GBE1: variants seen among roughly 807,000 people sequenced by gnomAD.
GBE1 encodes 1,4-alpha-glucan-branching enzyme.
Under a neutral mutation model 88.8 loss-of-function variants are expected in GBE1, and 70 were observed. The observed-to-expected ratio is 0.79, with a 90% confidence interval of 0.65 to 0.96. GBE1 has a LOEUF of 0.96. Among genes scored for constraint, GBE1 ranks in the 40% least tolerant of loss-of-function variants. The pLI is 0.00. For synonymous variants in GBE1, 284 were observed against 300.1 expected (o/e 0.95, Z 0.56); for missense variants, 872 against 871.0 (o/e 1.00, Z -0.01).
intron 1 of GBE1, among the ~76,000 whole-genome samples, chr3:81,734,411 G>T (rs1420546174): frequency 6.7e-6 from 1 of 150,034 alleles, no homozygotes; most frequent in Non-Finnish European, 1.5e-5. Flanking sequence ...CAAGTCATTT[G>T]GGGAAAAAAA....
At position 81,575,090 on chromosome 3, in the gene GBE1, G is replaced by A. The variant is rs568978691; in HGVS notation, c.1618+2835C>T. ...TGAGGCAGGAGAATGGCGTGAACCC[G>A]GGAAGCAGAGCTTGCAGTGAGCAGA... On this transcript the variant is annotated intron_variant, in intron 12 of 15. Coordinates refer to ENST00000429644, the MANE Select transcript of GBE1 (RefSeq NM_000158.4). Among the ~76,000 whole-genome samples, 684 of 151,666 alleles carry A rather than the reference G, an allele frequency of 4.5e-3. 4 individuals carry two copies. Among genetic ancestry groups the A allele is most frequent in the African/African-American group, 0.016 (651 of 41,322 alleles).
chr3:81,614,927 G>T (rs1205446121), intron 7 of GBE1, among the ~76,000 whole-genome samples: 1 of 152,034 alleles, frequency 6.6e-6, no homozygotes, highest in Non-Finnish European at 1.5e-5. Flanking sequence ...TACTTGGGAG[G>T]CTGAGGTGGG....
chr3:81,626,402 T>C (rs1022741435), intron 7 of GBE1, among the ~76,000 whole-genome samples: 2 of 152,214 alleles, frequency 1.3e-5, no homozygotes, highest in African/African-American at 4.8e-5. Flanking sequence ...AGGTAAGTTG[T>C]ATTTCAGAAT....
chr3:81,531,034 C>G (rs2106863213), intron 14 of GBE1, among the ~76,000 whole-genome samples: 1 of 151,498 alleles, frequency 6.6e-6, no homozygotes, highest in East Asian at 2.0e-4. Flanking sequence ...ACCCACATTG[C>G]AAGCAATGTC....
chr3:81,665,326 G>A (rs1210878636), intron 3 of GBE1, among the ~76,000 whole-genome samples: 1 of 152,016 alleles, frequency 6.6e-6, no homozygotes, highest in Non-Finnish European at 1.5e-5. Flanking sequence ...GAGCTCAGAA[G>A]ATCGAGACCA....
intron 1 of GBE1, among the ~76,000 whole-genome samples, chr3:81,754,500 C>A (rs1308516858): frequency 8.6e-6 from 1 of 115,814 alleles, no homozygotes; most frequent in African/African-American, 3.2e-5. Context: ...CCCAAATAGC[C>A]AAATAAATCT....
intron 9 of GBE1, among the ~76,000 whole-genome samples, 157 bp downstream of exon 9, chr3:81,590,877 AAAT>A (rs1703868034): frequency 2.6e-5 from 4 of 152,098 alleles, no homozygotes; most frequent in Admixed American, 2.6e-4. Context: ...AGTGAATTCT[AAAT>A]AATGTGCCAC....
intron 1 of GBE1, among the ~76,000 whole-genome samples, chr3:81,713,535 T>A (rs1337204290): frequency 6.6e-6 from 1 of 152,148 alleles, no homozygotes; most frequent in Non-Finnish European, 1.5e-5. Flanking sequence ...ACGATGAATT[T>A]TATTAGGCAG....
intron 7 of GBE1, among the ~76,000 whole-genome samples, chr3:81,604,787 A>T (rs1247720906): frequency 6.6e-6 from 1 of 152,026 alleles, no homozygotes; most frequent in Non-Finnish European, 1.5e-5. Context: ...TAAGTAAGAA[A>T]TTATTTAACT....
intron 14 of GBE1, among the ~76,000 whole-genome samples, chr3:81,502,830 T>G (rs971782315): frequency 6.6e-6 from 1 of 152,216 alleles, no homozygotes; most frequent in Non-Finnish European, 1.5e-5. Context: ...ATCCTTTTTC[T>G]GTGAAAATTT....
intron 14 of GBE1, among the ~76,000 whole-genome samples, chr3:81,523,801 C>T (rs987129508): frequency 8.6e-5 from 13 of 151,700 alleles, no homozygotes; most frequent in Admixed American, 8.6e-4. Context: ...ACCTCCAGTT[C>T]CATCCATATT....
chr3:81,686,608 T>G (rs1705444689), intron 2 of GBE1, among the ~76,000 whole-genome samples: 1 of 151,950 alleles, frequency 6.6e-6, no homozygotes, highest in Admixed American at 6.6e-5. Flanking sequence ...AATACAAAAT[T>G]ACCCGTGTAT....
Position 81,642,901 on chromosome 3 carries a change from T to C in GBE1, c.872A>G (p.His291Arg), listed in dbSNP as rs182605073. 10 of 1,613,018 alleles carry C rather than the reference T, an allele frequency of 6.2e-6. No individual in the cohort carries two copies. Among genetic ancestry groups the C allele is most frequent in the Admixed American group, 1.7e-5 (1 of 59,962 alleles). ...IIVLLDVVHS[H>R]ASKNSADGLN... ...TCCATCTGCTGAATTTTTTGAAGCA[T>C]GGCTGTGTACCACATCTAAGAGGAC... Residue 291 changes from histidine to arginine, a missense_variant, in exon 7 of 16, where the codon CAT becomes CGT. His to Arg is a conservative substitution (Grantham distance 29). Coordinates refer to ENST00000429644, the MANE Select transcript of GBE1 (RefSeq NM_000158.4).
chr3:81,722,313 G>T (rs564981117), intron 1 of GBE1, among the ~76,000 whole-genome samples: 2 of 151,930 alleles, frequency 1.3e-5, no homozygotes, highest in African/African-American at 2.4e-5. Context: ...AAGTTTAAAG[G>T]GTTGCCCATT....
chr3:81,665,797 G>A (rs979772491), intron 3 of GBE1, among the ~76,000 whole-genome samples: 4 of 152,130 alleles, frequency 2.6e-5, no homozygotes, highest in Non-Finnish European at 5.9e-5. Context: ...GCACTTCTAT[G>A]ACCCAAATGC....
intron 3 of GBE1, among the ~76,000 whole-genome samples, chr3:81,661,140 TA>T (rs530104899): frequency 2.6e-4 from 40 of 151,856 alleles, no homozygotes; most frequent in African/African-American, 8.4e-4. Context: ...AAAGTATTTC[TA>T]AAAAAAATGT....
Position 81,589,965 on chromosome 3 carries a change from G to A in GBE1, c.1236+1072C>T, listed in dbSNP as rs929448797. Among the ~76,000 whole-genome samples, 3 of 151,824 alleles carry A rather than the reference G, an allele frequency of 2.0e-5. No individual in the cohort carries two copies. In the East Asian group the frequency reaches 5.8e-4, roughly 29 times the overall value. ...AGGTCATGACTGTGAAAAAATACTG[G>A]GTGTCTAAATTGTATGGTAGGTTGT... On this transcript the variant is annotated intron_variant, in intron 9 of 15. Transcript: ENST00000429644.
chr3:81,571,922 T>TA (rs1307273317), intron 12 of GBE1, among the ~76,000 whole-genome samples: 2 of 152,198 alleles, frequency 1.3e-5, no homozygotes, highest in Non-Finnish European at 2.9e-5. Flanking sequence ...TTCTTAAAGT[T>TA]AGAGACTTGA....
intron 6 of GBE1, among the ~76,000 whole-genome samples, chr3:81,645,039 G>T (rs1358018848): frequency 2.0e-5 from 3 of 152,080 alleles, no homozygotes; most frequent in Admixed American, 2.0e-4. Flanking sequence ...TTTAATTTTG[G>T]ACACATGAAG....
Sources: gnomAD v4.1 joint callset for allele counts (sites outside exome capture counted in the v4.1 genomes callset) on GRCh38, gnomAD v4.1.1 for gene constraint, MANE v1.5 for transcripts, NCBI Gene and HGNC (gene_info 2026-07-23, HGNC 2026-07-21) for gene names.